The following GLT1D1 variants were observed in gnomAD, a reference collection of about 807,000 sequenced individuals.
GLT1D1 encodes the protein glycosyltransferase 1 domain containing 1.
Under a neutral mutation model 28.7 loss-of-function variants are expected in GLT1D1, and 21 were observed. That is an observed-to-expected ratio of 0.73 (90% CI 0.52 to 1.05). The LOEUF (loss-of-function observed/expected upper bound fraction) is 1.05. Among genes scored for constraint, GLT1D1 ranks in the 50% least tolerant of loss-of-function variants. The probability of loss-of-function intolerance (pLI) is 0.00; values close to 1 mark genes in which losing one functional copy is unlikely to be tolerated. For synonymous variants in GLT1D1, 147 were observed against 124.8 expected (o/e 1.18, Z -1.19); for missense variants, 343 against 330.6 (o/e 1.04, Z -0.29).
rs1251938324 is a variant in GLT1D1 at position 128,971,413 on chromosome 12, C to CCCTCCTCCCTTCCTCT, written c.640-11505_640-11490dup. Reference sequence around the variant, plus strand: ...CTCCCTCCTTCCTTTCTCCCTTCTTCCCTCCTCCCTTCCTCTCCTCCTCCC... The same window carrying CCCTCCTCCCTTCCTCT: ...CTCCCTCCTTCCTTTCTCCCTTCTTCCCTCCTCCCTTCCTCTCCTCCTCCCTTCCTCTCCTCCTCCC... On this transcript the variant is annotated intron_variant, in intron 7 of 7. Coordinates refer to ENST00000281703, the MANE Select transcript of GLT1D1 (RefSeq NM_144669.3). Among the ~76,000 whole-genome samples, 12 of 140,694 alleles carry CCCTCCTCCCTTCCTCT rather than the reference C, an allele frequency of 8.5e-5. 1 individual carries two copies. In the South Asian group the frequency reaches 1.7e-3, roughly 20 times the overall value. 92.3% of individuals were successfully genotyped at this position (140,694 alleles called of 152,430 possible).
chr12:128,870,066 A>G (rs1269319475), intron 1 of GLT1D1, among the ~76,000 whole-genome samples: 5 of 151,188 alleles, frequency 3.3e-5, no homozygotes, highest in Middle Eastern at 3.4e-3. Flanking sequence ...ATGCACCACC[A>G]TACCCAGCTA....
intron 7 of GLT1D1, among the ~76,000 whole-genome samples, chr12:128,973,179 G>GTT (rs61169176): frequency 0.059 from 3,004 of 50,946 alleles, 805 homozygotes; most frequent in Admixed American, 0.17. Flanking sequence ...TGTTTGCTTG[G>GTT]TTTTTTTTTT....
At chr12:128,893,593 G>GT (rs908522707) in intron 3 of GLT1D1, among the ~76,000 whole-genome samples, 77 of 150,862 alleles carry the variant, frequency 5.1e-4, no homozygotes, top group Admixed American at 1.7e-3. Context: ...GAATTTTATT[G>GT]TTTTTTTTTG....
At chr12:128,915,061 G>T (rs1021093089) in intron 4 of GLT1D1, 72 bp downstream of exon 6, 1 of 1,229,722 alleles carries the variant, frequency 8.1e-7, no homozygotes, top group Non-Finnish European at 1.1e-6. Flanking sequence ...AGCTTGTGAC[G>T]TTCATGCGGT....
intron 4 of GLT1D1, among the ~76,000 whole-genome samples, chr12:128,901,903 A>G (rs1254051636): frequency 1.3e-5 from 2 of 151,550 alleles, no homozygotes; most frequent in Non-Finnish European, 2.9e-5. Flanking sequence ...ATGAGCCACT[A>G]TGTGTGGCCA....
intron 1 of GLT1D1, among the ~76,000 whole-genome samples, chr12:128,869,939 A>ATTTTTTTTT (rs35487977): frequency 1.6e-5 from 2 of 125,254 alleles, no homozygotes; most frequent in African/African-American, 5.8e-5. Flanking sequence ...TGTGTATTCT[A>ATTTTTTTTT]TTTTTTTTTT....
intron 7 of GLT1D1, among the ~76,000 whole-genome samples, chr12:128,968,882 C>T (rs772188000): frequency 5.3e-5 from 8 of 152,078 alleles, no homozygotes; most frequent in Non-Finnish European, 1.0e-4. Flanking sequence ...TCGGGCAGCG[C>T]CAGGAGCACA....
At chr12:128,935,188 A>G (rs1593155671) in intron 4 of GLT1D1, among the ~76,000 whole-genome samples, 2 of 152,328 alleles carry the variant, frequency 1.3e-5, no homozygotes, top group Non-Finnish European at 2.9e-5. Context: ...TATTCAAAGC[A>G]GTTTTCTTTG....
intron 4 of GLT1D1, among the ~76,000 whole-genome samples, chr12:128,931,635 C>T (rs1431394980): frequency 1.3e-5 from 2 of 152,152 alleles, no homozygotes; most frequent in South Asian, 2.1e-4. Flanking sequence ...CTATGGAACA[C>T]GGCACCTCCC....
chr12:128,864,408 G>A (rs1407776314), intron 1 of GLT1D1, among the ~76,000 whole-genome samples: 1 of 151,958 alleles, frequency 6.6e-6, no homozygotes, highest in Admixed American at 6.6e-5. Context: ...AAGCAGAAGG[G>A]CTGGTTAGCG....
intron 6 of GLT1D1, among the ~76,000 whole-genome samples, chr12:128,956,181 G>GAGAA (rs57175450): frequency 0.53 from 43,126 of 82,072 alleles, 10,286 homozygotes; most frequent in Non-Finnish European, 0.6. Flanking sequence ...AAGAGAAAGA[G>GAGAA]AGAAAGAAAG....
At chr12:128,916,468 A>G (rs1467718210) in intron 4 of GLT1D1, among the ~76,000 whole-genome samples, 1 of 152,178 alleles carries the variant, frequency 6.6e-6, no homozygotes, top group East Asian at 1.9e-4. Flanking sequence ...TTACACTTCC[A>G]CAGAAGCTGA....
intron 2 of GLT1D1, among the ~76,000 whole-genome samples, chr12:128,882,058 A>G (rs902846308): frequency 6.6e-6 from 1 of 152,124 alleles, no homozygotes; most frequent in African/African-American, 2.4e-5. Context: ...ACATATTGCC[A>G]AGTTATAACT....
intron 2 of GLT1D1, among the ~76,000 whole-genome samples, chr12:128,881,763 G>A (rs1957067012): frequency 6.7e-6 from 1 of 150,254 alleles, no homozygotes; most frequent in African/African-American, 2.4e-5. Flanking sequence ...CTCTTGCTCT[G>A]TAGTTTGTGT....
intron 4 of GLT1D1, among the ~76,000 whole-genome samples, chr12:128,912,673 T>G (rs1390668620): frequency 6.6e-6 from 1 of 152,004 alleles, no homozygotes; most frequent in African/African-American, 2.4e-5. Flanking sequence ...CTTTTTTTTT[T>G]CTTTTTTGAG....
intron 7 of GLT1D1, among the ~76,000 whole-genome samples, chr12:128,964,752 A>G (rs1168488458): frequency 6.6e-6 from 1 of 152,188 alleles, no homozygotes; most frequent in African/African-American, 2.4e-5. Context: ...GAGATTGCTA[A>G]GGACCACTGG....
In GLT1D1 at chr12:128,956,421, A is replaced by G. The variant is rs200559658; in HGVS notation, c.541-1124A>G. Among the ~76,000 whole-genome samples, 4 of 152,308 alleles carry G rather than the reference A, an allele frequency of 2.6e-5. No homozygotes were observed. In the East Asian group the frequency reaches 7.7e-4, roughly 29 times the overall value. On this transcript the variant is annotated intron_variant, in intron 6 of 7. Coordinates refer to ENST00000281703, the MANE Select transcript of GLT1D1 (RefSeq NM_144669.3). ...AGAATGGTTATATTGTTGCTGAAAT[A>G]TGGTTTTTACTGAACATGTATTGCT...
intron 1 of GLT1D1, among the ~76,000 whole-genome samples, chr12:128,865,483 G>T (rs965029113): frequency 3.3e-5 from 5 of 152,066 alleles, no homozygotes; most frequent in Non-Finnish European, 5.9e-5. Context: ...CATGTCTGCA[G>T]TTCCAAGCAA....
chr12:128,882,089 G>A (rs1008453875), intron 2 of GLT1D1, among the ~76,000 whole-genome samples: 1 of 152,012 alleles, frequency 6.6e-6, no homozygotes, highest in Non-Finnish European at 1.5e-5. Context: ...ATATAACTGT[G>A]TATATTAAAT....
Sources: gnomAD v4.1 joint callset for allele counts (sites outside exome capture counted in the v4.1 genomes callset) on GRCh38, gnomAD v4.1.1 for gene constraint, MANE v1.5 for transcripts, NCBI Gene and HGNC (gene_info 2026-07-23, HGNC 2026-07-21) for gene names.